CERT1: variants seen among roughly 807,000 people sequenced by gnomAD.
CERT1 encodes the protein ceramide transporter 1, also known as ceramide transfer protein.
In CERT1, 31 loss-of-function variants were observed where a neutral mutation model predicts 87.9. That is an observed-to-expected ratio of 0.35 (90% CI 0.27 to 0.48). The LOEUF is 0.48. Among genes scored for constraint, CERT1 ranks in the 20% least tolerant of loss-of-function variants. The pLI, the probability that CERT1 is intolerant of heterozygous loss-of-function variation, is 0.99. For missense variants in CERT1, 487 were observed against 758.0 expected (o/e 0.64, Z 4.20); for synonymous variants, 289 against 250.9 (o/e 1.15, Z -1.44).
intron 2 of CERT1, among the ~76,000 whole-genome samples, chr5:75,485,463 T>C (rs1284693711): frequency 1.3e-5 from 2 of 151,568 alleles, no homozygotes; most frequent in East Asian, 3.9e-4. Context: ...TAATGATGCA[T>C]CTTAAAGAAA....
intron 2 of CERT1, among the ~76,000 whole-genome samples, chr5:75,479,738 G>A (rs1023319954): frequency 4.6e-5 from 7 of 152,036 alleles, no homozygotes; most frequent in Admixed American, 2.6e-4. Context: ...TGTGAATAGT[G>A]CTGCAATGAA....
At chr5:75,491,795 G>A (rs28612248) in intron 2 of CERT1, among the ~76,000 whole-genome samples, 18,960 of 152,092 alleles carry the variant, frequency 0.12, 1,305 homozygotes, top group East Asian at 0.23. Flanking sequence ...ATCTTTTAGG[G>A]AGATAACATT....
chr5:75,462,759 C>G (rs972589885), intron 2 of CERT1, among the ~76,000 whole-genome samples: 1 of 151,816 alleles, frequency 6.6e-6, no homozygotes, highest in African/African-American at 2.4e-5. Context: ...CTTTGGGAGG[C>G]GAGGTGGGTG....
intron 3 of CERT1, among the ~76,000 whole-genome samples, chr5:75,428,475 G>C (rs1763719131): frequency 6.6e-6 from 1 of 152,124 alleles, no homozygotes; most frequent in African/African-American, 2.4e-5. Context: ...TCAAAAGATT[G>C]AGACCATCCT....
At chr5:75,473,684 T>A (rs1211771495) in intron 2 of CERT1, among the ~76,000 whole-genome samples, 2 of 152,142 alleles carry the variant, frequency 1.3e-5, no homozygotes, top group African/African-American at 4.8e-5. Context: ...CTATAGTTAA[T>A]GATTACATAC....
chr5:75,502,313 C>T (rs1415825733), intron 2 of CERT1, among the ~76,000 whole-genome samples: 5 of 152,082 alleles, frequency 3.3e-5, no homozygotes, highest in South Asian at 2.1e-4. Flanking sequence ...TCAATACTTG[C>T]GGGTAAGGAG....
At chr5:75,482,178 G>A (rs1450549349) in intron 2 of CERT1, among the ~76,000 whole-genome samples, 5 of 152,084 alleles carry the variant, frequency 3.3e-5, no homozygotes, top group South Asian at 2.1e-4. Context: ...AAGGGAGCTC[G>A]CTACCCTAAA....
In CERT1 at chr5:75,498,327, C is replaced by T. The variant is rs149170472; in HGVS notation, c.231+7655G>A. ...TAAGTAACAAGGAGCTAAATGTTAT[C>T]ACCAAGACAATGGGGAAAATGTCTC... On this transcript the variant is annotated intron_variant, in intron 2 of 16. Transcript: ENST00000643780. 2.1e-3 allele frequency among the ~76,000 whole-genome samples: 317 copies of T among 152,340 alleles called. 1 individual carries two copies. In the East Asian group the frequency reaches 0.027, roughly 13 times the overall value.
intron 7 of CERT1, 36 bp downstream of exon 7, chr5:75,416,840 G>A (rs1371016784): frequency 6.6e-7 from 1 of 1,522,786 alleles, no homozygotes; most frequent in South Asian, 1.3e-5. Flanking sequence ...AAACTTAAAT[G>A]TGATTATTTT....
chr5:75,473,753 C>CGG, intron 2 of CERT1, among the ~76,000 whole-genome samples: 1 of 152,238 alleles, frequency 6.6e-6, no homozygotes, highest in East Asian at 1.9e-4. Context: ...AAAATGATAA[C>CGG]TATGTGAGGT....
In CERT1 at chr5:75,421,727, G is replaced by A. The variant is rs978364885; in HGVS notation, c.596-2303C>T. The stretch of plus-strand genomic sequence containing the variant: ...ATAATCCCATAAAGATGACCTTCAA[G>A]TACCTTTTGAGATCCTTACTTCCCG... On this transcript the variant is annotated intron_variant, in intron 5 of 16. Transcript: ENST00000643780. Among the ~76,000 whole-genome samples the A allele has an allele frequency of 3.9e-5, 6 of 152,056 alleles. No individual in the cohort carries two copies. The East Asian group carries it at 9.6e-4, about 24-fold the overall frequency.
At chr5:75,504,346 C>T (rs1167937664) in intron 2 of CERT1, among the ~76,000 whole-genome samples, 1 of 152,090 alleles carries the variant, frequency 6.6e-6, no homozygotes, top group Non-Finnish European at 1.5e-5. Context: ...AAGCTATTTC[C>T]TAAAAATTGT....
At chr5:75,449,711 T>C (rs916800562) in intron 3 of CERT1, among the ~76,000 whole-genome samples, 1 of 152,100 alleles carries the variant, frequency 6.6e-6, no homozygotes, top group African/African-American at 2.4e-5. Flanking sequence ...GGTGGTGTTT[T>C]TTTTTTTAAA....
chr5:75,448,479 T>C (rs1764644367), intron 3 of CERT1, among the ~76,000 whole-genome samples: 1 of 152,332 alleles, frequency 6.6e-6, no homozygotes, highest in South Asian at 2.1e-4. Context: ...GCTGAGAATA[T>C]GTACCAAGCA....
intron 3 of CERT1, among the ~76,000 whole-genome samples, chr5:75,431,532 T>C (rs1363822047): frequency 1.3e-5 from 2 of 152,214 alleles, no homozygotes; most frequent in Non-Finnish European, 2.9e-5. Flanking sequence ...ACCCACCTGA[T>C]CCCTTCTCTG....
intron 2 of CERT1, among the ~76,000 whole-genome samples, chr5:75,484,516 A>G (rs1038091891): frequency 8.6e-5 from 13 of 151,816 alleles, no homozygotes; most frequent in East Asian, 3.9e-4. Context: ...AATACACGTC[A>G]TCTATAAAGA....
downstream of CERT1, chr5:75,372,792 T>C (rs909222820): frequency 6.6e-6 from 1 of 152,226 alleles, no homozygotes; most frequent in African/African-American, 2.4e-5. Context: ...ATGTATGTGA[T>C]ATATACAGGA....
At chr5:75,377,605 G>C (rs1761374225), downstream of CERT1, 1 of 152,186 alleles carries the variant, frequency 6.6e-6, no homozygotes, top group Non-Finnish European at 1.5e-5. Context: ...ATAAGATGTT[G>C]AACAGTGTTT....
intron 2 of CERT1, among the ~76,000 whole-genome samples, chr5:75,493,459 C>T (rs1766899690): frequency 1.3e-5 from 2 of 152,112 alleles, no homozygotes; most frequent in South Asian, 4.1e-4. Context: ...AATTCATTGT[C>T]GAAAATAATT....
Sources: allele counts gnomAD v4.1 joint callset (sites outside exome capture counted in the v4.1 genomes callset), GRCh38; gene constraint gnomAD v4.1.1; transcripts MANE v1.5; gene names NCBI Gene and HGNC (gene_info 2026-07-23, HGNC 2026-07-21).